The following TOR1AIP2 variants were observed in gnomAD, a reference collection of about 807,000 sequenced individuals.
TOR1AIP2 encodes the protein torsin 1A interacting protein 2, also known as torsin-1A-interacting protein 2.
Under a neutral mutation model 32.6 loss-of-function variants are expected in TOR1AIP2, and 20 were observed. The ratio of observed to expected loss-of-function variants is 0.61; its 90% CI spans 0.43 to 0.89. TOR1AIP2 has a LOEUF of 0.89. Ranked by LOEUF, TOR1AIP2 falls within the 40% of genes least tolerant of loss-of-function variation. TOR1AIP2 has a pLI of 0.00. For missense variants in TOR1AIP2, 456 were observed against 553.8 expected (o/e 0.82, Z 1.77); for synonymous variants, 214 against 210.8 (o/e 1.02, Z -0.13).
chr1:179,849,851 C>T (rs941034019), intron 5 of TOR1AIP2, among the ~76,000 whole-genome samples: 2 of 152,162 alleles, frequency 1.3e-5, no homozygotes, highest in Non-Finnish European at 2.9e-5. Context: ...TGCCAGGTGC[C>T]AGAGATACAC....
chr1:179,869,377 A>G (rs1413261299), intron 2 of TOR1AIP2, among the ~76,000 whole-genome samples: 2 of 152,204 alleles, frequency 1.3e-5, no homozygotes, highest in East Asian at 3.8e-4. Context: ...GAGGGCATTC[A>G]AAGAATTTCA....
In TOR1AIP2 at chr1:179,852,660, G is replaced by C. The variant is rs774160953; in HGVS notation, c.6C>G (p.Ala2=). 1.2e-6 allele frequency: 2 copies of C among 1,613,884 alleles called. No homozygotes were observed. The highest frequency in any genetic ancestry group is 1.7e-6 in the Non-Finnish European group (2 of 1,179,936). ...CTTGAGGTTCCCTAAGTCCACTGTC[G>C]GCCATGTTTGTGTTCTATCTCTTCA... is the stretch of plus-strand genomic sequence containing the variant. M[A]DSGLREPQED... The change falls in exon 4 of 7, where the codon GCC becomes GCG. Residue 2 remains alanine, a synonymous_variant. Coordinates refer to ENST00000609928, the MANE Select transcript of TOR1AIP2 (RefSeq NM_001199260.2).
chr1:179,862,212 T>C (rs1696566358), intron 3 of TOR1AIP2: 2 of 982,742 alleles, frequency 2.0e-6, no homozygotes, highest in Non-Finnish European at 2.4e-6. Context: ...AAACCTTTTC[T>C]CTATTTTGCT....
At chr1:179,859,257 G>A (rs909733766) in intron 3 of TOR1AIP2, 3 of 863,154 alleles carry the variant, frequency 3.5e-6, no homozygotes, top group African/African-American at 1.8e-5. Flanking sequence ...TTATTAACTC[G>A]TTTAATCTTC....
chr1:179,871,490 T>C (rs2148457727), intron 2 of TOR1AIP2, among the ~76,000 whole-genome samples: 1 of 152,346 alleles, frequency 6.6e-6, no homozygotes, highest in Middle Eastern at 3.4e-3. Context: ...TGAATGTATG[T>C]TAGTAAGTTC....
At chr1:179,853,033 T>A (rs1240533676) in intron 3 of TOR1AIP2, among the ~76,000 whole-genome samples, 5 of 152,222 alleles carry the variant, frequency 3.3e-5, no homozygotes, top group Admixed American at 3.3e-4. Flanking sequence ...ATCTAATATA[T>A]TCCAGCATAG....
chr1:179,865,795 C>G lies in TOR1AIP2; in HGVS notation c.-506G>C, dbSNP rs1471292561. 6.6e-6 allele frequency: 1 copy of G among 152,664 alleles called. No homozygotes were observed. The highest frequency in any genetic ancestry group is 2.4e-5 in the African/African-American group (1 of 41,438). 9.5% of individuals were successfully genotyped at this position (152,664 alleles called of 1,614,324 possible). The stretch of plus-strand genomic sequence containing the variant: ...TCTTGGGAGGACATTAATCAGGACC[C>G]AATTGCTGTGAAGAAGCTGATGCTC... On this transcript the variant is annotated 5_prime_UTR_variant, in exon 3 of 7. Transcript: ENST00000609928.
Position 179,851,373 on chromosome 1 carries a change from T to C in TOR1AIP2, c.35-10A>G. 1 of 1,492,132 alleles carries C rather than the reference T, an allele frequency of 6.7e-7. No homozygotes were observed. Among genetic ancestry groups the C allele is most frequent in the Non-Finnish European group, 8.8e-7 (1 of 1,130,116 alleles). 92.4% of individuals were successfully genotyped at this position (1,492,132 alleles called of 1,614,324 possible). On this transcript the variant is annotated splice_polypyrimidine_tract_variant and intron_variant, in intron 4 of 6. Transcript: ENST00000609928. ...AAATCCTTTTGAGAGTCTATTGAGATAAAAGTTTATAATTTTTATTGGAAA... is the reference window on the plus strand; with the variant it reads ...AAATCCTTTTGAGAGTCTATTGAGACAAAAGTTTATAATTTTTATTGGAAA...
chr1:179,853,492 C>CT (rs923382520), intron 3 of TOR1AIP2, among the ~76,000 whole-genome samples: 9 of 148,972 alleles, frequency 6.0e-5, no homozygotes, highest in East Asian at 1.9e-4. Flanking sequence ...TTTTATAGTT[C>CT]TTTTTTTTGT....
At position 179,851,269 on chromosome 1, in the gene TOR1AIP2, T is replaced by C. The variant is rs1479858250; in HGVS notation, c.129A>G (p.Leu43=). ...CTTTGCTAAGACCACAGGCAGAGTG[T>C]AGGATCTCAGCTTCTTCAGCATTAC... ...IASNAEEAEI[L]HSACGLSKDH... is the part of the protein sequence containing the mutation. Residue 43 remains leucine (L), a synonymous_variant, in exon 5 of 7, where the codon CTA becomes CTG. Coordinates refer to ENST00000609928, the MANE Select transcript of TOR1AIP2 (RefSeq NM_001199260.2). The C allele has an allele frequency of 6.2e-6, 10 of 1,611,928 alleles. No individual in the cohort carries two copies. Among genetic ancestry groups the C allele is most frequent in the Non-Finnish European group, 8.5e-6 (10 of 1,179,984 alleles).
At chr1:179,860,619 A>C (rs1696484829) in intron 3 of TOR1AIP2, 1 of 985,262 alleles carries the variant, frequency 1.0e-6, no homozygotes, top group Non-Finnish European at 1.2e-6. Context: ...ATTGCACTTA[A>C]ACCTCACAAC....
intron 2 of TOR1AIP2, among the ~76,000 whole-genome samples, chr1:179,872,272 A>C (rs1323913362): frequency 1.3e-5 from 2 of 152,218 alleles, no homozygotes; most frequent in African/African-American, 4.8e-5. Flanking sequence ...CCAAAAGCCC[A>C]TGGTCCAAAT....
At chr1:179,870,268 G>A (rs1311719193) in intron 2 of TOR1AIP2, among the ~76,000 whole-genome samples, 6 of 152,094 alleles carry the variant, frequency 3.9e-5, no homozygotes, top group Non-Finnish European at 7.4e-5. Flanking sequence ...CCGTGGTGGC[G>A]GGCGCCTGTA....
At chr1:179,864,739 C>A (rs758776137) in intron 3 of TOR1AIP2, 1 of 1,525,434 alleles carries the variant, frequency 6.6e-7, no homozygotes, top group South Asian at 1.3e-5. Context: ...GGGCTACCTA[C>A]ACAAAAGCCT....
chr1:179,852,428 T>C (rs980959612), intron 4 of TOR1AIP2, among the ~76,000 whole-genome samples: 8 of 152,220 alleles, frequency 5.3e-5, no homozygotes, highest in African/African-American at 1.9e-4. Context: ...CTAAAACATT[T>C]ATCTTCCTTA....
rs1268873247 is a variant in TOR1AIP2 at position 179,845,604 on chromosome 1, T to C, written c.*467A>G. 2 of 153,272 alleles carry C rather than the reference T, an allele frequency of 1.3e-5. No homozygotes were observed. The highest frequency in any genetic ancestry group is 1.5e-5 in the Non-Finnish European group (1 of 68,854). 9.5% of individuals were successfully genotyped at this position (153,272 alleles called of 1,614,324 possible). On this transcript the variant is annotated 3_prime_UTR_variant, in exon 7 of 7. Coordinates refer to ENST00000609928, the MANE Select transcript of TOR1AIP2 (RefSeq NM_001199260.2). Reference sequence around the variant, plus strand: ...TAACTTTAGATTATTAAAGTAAGGTTTGAAAATATTCAACATGTGATAGAA... The same window carrying C: ...TAACTTTAGATTATTAAAGTAAGGTCTGAAAATATTCAACATGTGATAGAA...
In TOR1AIP2 at chr1:179,841,081, A is replaced by C. The variant is rs1273463205; in HGVS notation, c.*4990T>G. On this transcript the variant is annotated 3_prime_UTR_variant, in exon 7 of 7. Coordinates refer to ENST00000609928, the MANE Select transcript of TOR1AIP2 (RefSeq NM_001199260.2). ...GGCTTATTTTAAAGTCATCTGGAGA[A>C]ACTGTTTTACAGGTATCTTAACTTT... 1 of 152,154 alleles carries C rather than the reference A, an allele frequency of 6.6e-6. No individual in the cohort carries two copies. The highest frequency in any genetic ancestry group is 6.5e-5 in the Admixed American group (1 of 15,276). The allele number at this position is 152,154 out of a possible 1,614,324, so 9.4% of individuals were successfully genotyped here. A position where few individuals can be genotyped will look rare whatever the true frequency, so the allele number is the denominator to read the frequency against.
intron 2 of TOR1AIP2, among the ~76,000 whole-genome samples, chr1:179,871,448 C>G (rs1697007794): frequency 6.6e-6 from 1 of 152,216 alleles, no homozygotes; most frequent in South Asian, 2.1e-4. Flanking sequence ...ATTAACTTCT[C>G]TAAATAGTCT....
intron 5 of TOR1AIP2, among the ~76,000 whole-genome samples, chr1:179,849,706 C>T (rs555221664): frequency 6.6e-6 from 1 of 152,358 alleles, no homozygotes; most frequent in Admixed American, 6.5e-5. Flanking sequence ...ATCCTCCCAA[C>T]TCAGCTTCCC....
Sources: gnomAD v4.1 joint callset for allele counts (sites outside exome capture counted in the v4.1 genomes callset) on GRCh38, gnomAD v4.1.1 for gene constraint, MANE v1.5 for transcripts, NCBI Gene and HGNC (gene_info 2026-07-23, HGNC 2026-07-21) for gene names.